The following MCPH1 variants were observed in gnomAD, a reference collection of about 807,000 sequenced individuals.
MCPH1 encodes microcephalin 1.
MCPH1 carries 104 observed loss-of-function variants against 84.5 expected under a neutral mutation model. That is an observed-to-expected ratio of 1.23 (90% CI 1.05 to 1.45). MCPH1 has a LOEUF of 1.45. Among genes scored for constraint, MCPH1 ranks in the 40% most tolerant of loss-of-function variants. MCPH1 has a pLI of 0.00. For missense variants in MCPH1, 1,498 were observed against 1,005.7 expected (o/e 1.49, Z -6.62); for synonymous variants, 514 against 366.8 (o/e 1.40, Z -4.58).
chr8:6,431,373 T>C, intron 3 of MCPH1, 126 bp from the exon 4 acceptor site: 1 of 722,332 alleles, frequency 1.4e-6, no homozygotes. Context: ...TATTTATTTT[T>C]TAAAAGTCTG....
chr8:6,625,104 A>G (rs1831929746), intron 13 of MCPH1: 2 of 802,622 alleles, frequency 2.5e-6, no homozygotes, highest in African/African-American at 3.8e-5. Context: ...CAAACCCCCA[A>G]CCTCAAGTGA....
rs369070450 is a variant in MCPH1, at chr8:6,642,975, C to T, written c.2453-19C>T. On this transcript the variant is annotated intron_variant, in intron 13 of 13. Coordinates refer to ENST00000344683, the MANE Select transcript of MCPH1 (RefSeq NM_024596.5). ...GCTGGCTATTATGAATGCTAAACTG[C>T]TTTTCGCTCTCTCTCTAGATTCCAT... 2.8e-5 allele frequency: 45 copies of T among 1,612,806 alleles called. No homozygotes were observed. In the Middle Eastern group the frequency reaches 8.2e-4, roughly 29 times the overall value.
chr8:6,626,224 T>A, intron 13 of MCPH1: 1 of 985,000 alleles, frequency 1.0e-6, no homozygotes, highest in Non-Finnish European at 1.2e-6. Flanking sequence ...GAACAGGGAG[T>A]GGAGGTGTGA....
intron 1 of MCPH1, among the ~76,000 whole-genome samples, 173 bp downstream of exon 1, chr8:6,406,862 A>G (rs1163851321): frequency 2.2e-4 from 1 of 4,460 alleles, no homozygotes; most frequent in African/African-American, 5.2e-4. Context: ...GTCCCACCAA[A>G]ACCCCCTGCT....
At chr8:6,446,062 T>G in intron 8 of MCPH1, 1 of 980,800 alleles carries the variant, frequency 1.0e-6, no homozygotes, top group Non-Finnish European at 1.2e-6. Context: ...TTGGTCAGTG[T>G]TAACTATGAA....
chr8:6,625,798 AAAG>A, intron 13 of MCPH1: 1 of 985,266 alleles, frequency 1.0e-6, no homozygotes, highest in Non-Finnish European at 1.2e-6. Flanking sequence ...AAGAAAAAAA[AAAG>A]AATCATTTTT....
In MCPH1 at chr8:6,499,929, C is replaced by G. The variant is rs35344839; in HGVS notation, c.2214C>G (p.Pro738=). 1.2e-6 allele frequency: 2 copies of G among 1,613,056 alleles called. No homozygotes were observed. The highest frequency in any genetic ancestry group is 3.3e-5 in the Admixed American group (2 of 60,002). ...TGTCTCACCACTTCCCTGCAGCTCC[C>G]GTAAGTCAGATGTTGTTTTACGATG... The part of the protein sequence containing the change: ...FELSHHFPAA[P]LCRSECHLSA... The change falls in exon 12 of 14, where the codon CCC becomes CCG. Residue 738 remains proline (P), a splice_region_variant and synonymous_variant. Coordinates refer to ENST00000344683, the MANE Select transcript of MCPH1 (RefSeq NM_024596.5).
Position 6,489,042 on chromosome 8 carries a change from T to A in MCPH1, c.2136+8166T>A, listed in dbSNP as rs1317995265. 3.9e-5 allele frequency among the ~76,000 whole-genome samples: 6 copies of A among 152,150 alleles called. 1 individual carries two copies. Among genetic ancestry groups the A allele is most frequent in the Non-Finnish European group, 5.9e-5 (4 of 68,032 alleles). On this transcript the variant is annotated intron_variant, in intron 11 of 13. Coordinates refer to ENST00000344683, the MANE Select transcript of MCPH1 (RefSeq NM_024596.5). ...ACTAACTATAGATAATGGTGCCATT[T>A]GCAGAGTTAGGGAATTCTGGGGCAG...
chr8:6,557,138 C>T (rs913901407), intron 12 of MCPH1, among the ~76,000 whole-genome samples: 10 of 152,340 alleles, frequency 6.6e-5, no homozygotes, highest in African/African-American at 2.4e-4. Context: ...CAGCAGTTTT[C>T]TGCAGTCTTC....
chr8:6,481,121 T>C (rs1346016999), intron 11 of MCPH1, among the ~76,000 whole-genome samples: 1 of 152,138 alleles, frequency 6.6e-6, no homozygotes, highest in East Asian at 1.9e-4. Flanking sequence ...GAGTAGCCTC[T>C]AAGATAAAGC....
rs541734295 is a variant in MCPH1, at chr8:6,579,153, C to G, written c.2215-42301C>G. Among the ~76,000 whole-genome samples, 3 of 152,302 alleles carry G rather than the reference C, an allele frequency of 2.0e-5. No homozygotes were observed. In the East Asian group the frequency reaches 5.8e-4, roughly 29 times the overall value. ...TTAAAACTCACCTAACACCTGACAC[C>G]TCCATCTTGGCATCATCCACCTGTA... On this transcript the variant is annotated intron_variant, in intron 12 of 13. Transcript: ENST00000344683.
At chr8:6,423,185 C>CTT (rs374999485) in intron 3 of MCPH1, among the ~76,000 whole-genome samples, 11,819 of 110,558 alleles carry the variant, frequency 0.11, 1,266 homozygotes, top group Non-Finnish European at 0.17. Flanking sequence ...TTTTTCTTTT[C>CTT]TTTTCTTTTT....
chr8:6,503,037 T>C, intron 12 of MCPH1: 1 of 1,591,518 alleles, frequency 6.3e-7, no homozygotes, highest in Non-Finnish European at 8.6e-7. Context: ...GCCGTGACTT[T>C]CAGTGCACTG....
intron 12 of MCPH1, among the ~76,000 whole-genome samples, chr8:6,554,308 G>GAA (rs10715108): frequency 4.2e-5 from 6 of 143,012 alleles, no homozygotes; most frequent in Admixed American, 7.0e-5. Context: ...TAAAAAGAGA[G>GAA]AAAAAAAAAA....
chr8:6,499,415 C>T (rs1049495797), intron 11 of MCPH1, among the ~76,000 whole-genome samples: 3 of 152,068 alleles, frequency 2.0e-5, no homozygotes, highest in East Asian at 1.9e-4. Context: ...GAAACAAAGT[C>T]ACAAGCCAAA....
intron 3 of MCPH1, among the ~76,000 whole-genome samples, chr8:6,431,222 T>C (rs1801786443): frequency 6.6e-6 from 1 of 152,222 alleles, no homozygotes; most frequent in Admixed American, 6.5e-5. Flanking sequence ...GCACTAATAA[T>C]TTTGAAGTAT....
chr8:6,421,421 G>A (rs1353652820), intron 3 of MCPH1, among the ~76,000 whole-genome samples: 1 of 151,848 alleles, frequency 6.6e-6, no homozygotes, highest in Non-Finnish European at 1.5e-5. Context: ...TTATCCTTCT[G>A]ACAAAATGGC....
At chr8:6,524,556 C>G (rs757541698) in intron 12 of MCPH1, among the ~76,000 whole-genome samples, 2 of 152,184 alleles carry the variant, frequency 1.3e-5, no homozygotes, top group East Asian at 1.9e-4. Context: ...GGGTTCAGAT[C>G]ACGTCTTACC....
At chr8:6,617,421 A>T (rs928808101) in intron 12 of MCPH1, among the ~76,000 whole-genome samples, 1 of 151,840 alleles carries the variant, frequency 6.6e-6, no homozygotes, top group Non-Finnish European at 1.5e-5. Flanking sequence ...TATGATTTTT[A>T]AAAAATTATC....
Sources: gnomAD v4.1 joint callset for allele counts (sites outside exome capture counted in the v4.1 genomes callset) on GRCh38, gnomAD v4.1.1 for gene constraint, MANE v1.5 for transcripts, NCBI Gene and HGNC (gene_info 2026-07-23, HGNC 2026-07-21) for gene names.